RASEF: variants seen among roughly 807,000 people sequenced by gnomAD.
RASEF encodes the protein RAS and EF-hand domain containing.
In RASEF, 68 loss-of-function variants were observed where a neutral mutation model predicts 90.1. That is an observed-to-expected ratio of 0.75 (90% CI 0.62 to 0.92). The LOEUF (loss-of-function observed/expected upper bound fraction) is 0.92, where lower values mean the gene tolerates loss of function less well. Among genes scored for constraint, RASEF ranks in the 40% least tolerant of loss-of-function variants. The pLI is 0.00. For missense variants in RASEF, 949 were observed against 937.2 expected (o/e 1.01, Z -0.16); for synonymous variants, 331 against 345.2 (o/e 0.96, Z 0.46).
upstream of RASEF, among the ~76,000 whole-genome samples, chr9:83,066,072 G>A (rs1360006502): frequency 6.6e-6 from 1 of 152,140 alleles, no homozygotes; most frequent in African/African-American, 2.4e-5. Flanking sequence ...CTCTTAATCC[G>A]AGCATCCACA....
the RASEF span, among the ~76,000 whole-genome samples, chr9:83,147,041 T>TGTATAC: frequency 1.7e-5 from 1 of 58,608 alleles, no homozygotes; most frequent in South Asian, 5.4e-4. Flanking sequence ...TATATATATG[T>TGTATAC]ATATATATAT....
the RASEF span, among the ~76,000 whole-genome samples, chr9:83,158,704 A>G: frequency 2.0e-4 from 30 of 148,746 alleles, no homozygotes; most frequent in African/African-American, 7.3e-4. Flanking sequence ...GTATATATTT[A>G]TGTACATATA....
upstream of RASEF, among the ~76,000 whole-genome samples, chr9:83,067,489 C>T (rs1427978083): frequency 3.3e-5 from 5 of 152,190 alleles, no homozygotes; most frequent in Non-Finnish European, 7.3e-5. Context: ...AACATCCTAT[C>T]CTATTTGCCT....
chr9:82,982,799 G>C lies in RASEF; in HGVS notation c.2118-17C>G. ...TTCACTTCTCTGAGACAGAGATAGA[G>C]AGAGACAGAGAGAGAGAGAGAGAGA... On this transcript the variant is annotated splice_polypyrimidine_tract_variant and intron_variant, in intron 16 of 16. Coordinates refer to ENST00000376447, the MANE Select transcript of RASEF (RefSeq NM_152573.4). The C allele has an allele frequency of 1.6e-6, 2 of 1,229,962 alleles. No homozygotes were observed. Among genetic ancestry groups the C allele is most frequent in the Non-Finnish European group, 2.3e-6 (2 of 852,532 alleles). The allele number at this position is 1,229,962 out of a possible 1,614,324, so 76.2% of individuals were successfully genotyped here.
the RASEF span, among the ~76,000 whole-genome samples, chr9:83,090,440 G>A: frequency 6.7e-6 from 1 of 149,910 alleles, no homozygotes; most frequent in Non-Finnish European, 1.5e-5. Flanking sequence ...GTCTTGCTCT[G>A]TTGCCCAGGC....
chr9:83,015,867 G>A lies in RASEF; in HGVS notation c.703C>T (p.Leu235Phe), dbSNP rs1309537686. The A allele has an allele frequency of 1.9e-6, 3 of 1,613,722 alleles. No homozygotes were observed. Among genetic ancestry groups the A allele is most frequent in the Non-Finnish European group, 1.7e-6 (2 of 1,179,892 alleles). The change falls in exon 4 of 17, where the codon CTC becomes TTC. Residue 235 changes from leucine to phenylalanine, a missense_variant. Coordinates refer to ENST00000376447, the MANE Select transcript of RASEF (RefSeq NM_152573.4). ...KRKAEEALSD[L>F]RRQYETEVGD... is the part of the protein sequence containing the mutation. ...ACTTCAGTTTCATACTGACGTCTGA[G>A]GTCACTGAGGGCTTCCTCAGCTTTG...
intron 5 of RASEF, among the ~76,000 whole-genome samples, chr9:83,011,325 C>T (rs1235962991): frequency 2.6e-5 from 4 of 152,054 alleles, no homozygotes; most frequent in East Asian, 3.9e-4. Flanking sequence ...GAGGCCAAAG[C>T]GGGTGATCAT....
At chr9:83,192,653 C>T in the RASEF span, among the ~76,000 whole-genome samples, 1 of 151,494 alleles carries the variant, frequency 6.6e-6, no homozygotes, top group Admixed American at 6.6e-5. Context: ...GACAAACCCC[C>T]ATGACACAAG....
intron 3 of RASEF, among the ~76,000 whole-genome samples, chr9:83,017,087 G>T (rs960187200): frequency 3.9e-5 from 6 of 152,136 alleles, no homozygotes; most frequent in African/African-American, 1.4e-4. Context: ...CTCACAATGA[G>T]GTGCTAATGA....
chr9:83,177,972 A>G, the RASEF span, among the ~76,000 whole-genome samples: 2 of 151,990 alleles, frequency 1.3e-5, no homozygotes, highest in African/African-American at 4.8e-5. Context: ...AATCTCCATC[A>G]ATATTTATTC....
the RASEF span, among the ~76,000 whole-genome samples, chr9:83,199,224 T>TAAAAAAAAAAA: frequency 8.4e-6 from 1 of 118,662 alleles, no homozygotes; most frequent in Non-Finnish European, 1.7e-5. Context: ...AGCCCTAATT[T>TAAAAAAAAAAA]AAAAAAAAAA....
intron 16 of RASEF, among the ~76,000 whole-genome samples, chr9:82,983,936 T>C (rs1029440837): frequency 3.3e-5 from 5 of 152,154 alleles, no homozygotes; most frequent in African/African-American, 1.2e-4. Context: ...GAGATACTCA[T>C]GCAAAAGCAG....
chr9:83,152,969 T>C, the RASEF span, among the ~76,000 whole-genome samples: 1 of 152,216 alleles, frequency 6.6e-6, no homozygotes, highest in Non-Finnish European at 1.5e-5. Context: ...TGGAGAACTT[T>C]GTATGGCAAT....
the RASEF span, among the ~76,000 whole-genome samples, chr9:83,105,086 G>A: frequency 6.6e-6 from 1 of 152,136 alleles, no homozygotes; most frequent in South Asian, 2.1e-4. Flanking sequence ...TAACTGGGAG[G>A]AAAATGAGGT....
the RASEF span, among the ~76,000 whole-genome samples, chr9:83,198,436 T>G: frequency 2.6e-3 from 390 of 152,280 alleles, 2 homozygotes; most frequent in African/African-American, 8.8e-3. Context: ...GCCTTTCACC[T>G]CCACTCTCTG....
the RASEF span, among the ~76,000 whole-genome samples, chr9:83,083,828 T>C: frequency 6.6e-6 from 1 of 152,144 alleles, no homozygotes; most frequent in African/African-American, 2.4e-5. Flanking sequence ...GCAATATTTA[T>C]TGCAATCCTT....
the RASEF span, among the ~76,000 whole-genome samples, chr9:83,068,536 C>G: frequency 1.3e-5 from 2 of 152,232 alleles, no homozygotes; most frequent in Non-Finnish European, 2.9e-5. Context: ...AGTCCTATAG[C>G]TGCAAGGAAT....
At chr9:83,065,337 C>T (rs1242283547), upstream of RASEF, among the ~76,000 whole-genome samples, 1 of 152,118 alleles carries the variant, frequency 6.6e-6, no homozygotes, top group South Asian at 2.1e-4. Flanking sequence ...CTTGTTGACT[C>T]AACTGGGGCT....
Position 82,987,849 on chromosome 9 carries a change from C to T in RASEF, c.2117+2542G>A, listed in dbSNP as rs1828736541. Among the ~76,000 whole-genome samples the T allele has an allele frequency of 3.3e-5, 5 of 152,188 alleles. No individual in the cohort carries two copies. In the South Asian group the frequency reaches 1.0e-3, roughly 31 times the overall value. On this transcript the variant is annotated intron_variant, in intron 16 of 16. Transcript: ENST00000376447. ...AAGAAATACAGGGACTTGTTCAAGA[C>T]CTCATAGCTATTTAGAAACAGATTT...
Sources: gnomAD v4.1 joint callset for allele counts (sites outside exome capture counted in the v4.1 genomes callset) on GRCh38, gnomAD v4.1.1 for gene constraint, MANE v1.5 for transcripts, NCBI Gene and HGNC (gene_info 2026-07-23, HGNC 2026-07-21) for gene names.